The following HEMK2 variants were observed in gnomAD, a reference collection of about 807,000 sequenced individuals.
The protein encoded by HEMK2 is methyltransferase HEMK2.
At chr21:28,673,813 G>C in the HEMK2 span, among the ~76,000 whole-genome samples, 1 of 139,186 alleles carries the variant, frequency 7.2e-6, no homozygotes, top group South Asian at 2.5e-4. Flanking sequence ...TGCATAAAAT[G>C]AATAGTTTCT....
the HEMK2 span, among the ~76,000 whole-genome samples, chr21:28,753,813 T>C: frequency 6.6e-6 from 1 of 152,180 alleles, no homozygotes; most frequent in African/African-American, 2.4e-5. Flanking sequence ...TAGATAGAGA[T>C]TTGGTCCTTT....
chr21:28,803,187 A>C, the HEMK2 span, among the ~76,000 whole-genome samples: 1 of 152,312 alleles, frequency 6.6e-6, no homozygotes, highest in African/African-American at 2.4e-5. Context: ...TCTTGGAAAA[A>C]ATCATTTCCC....
chr21:28,868,640 C>T, the HEMK2 span, among the ~76,000 whole-genome samples: 9 of 152,112 alleles, frequency 5.9e-5, no homozygotes, highest in African/African-American at 1.2e-4. Flanking sequence ...GCCAAGTTCA[C>T]GCCACTGCAC....
chr21:28,635,101 C>CTTTTTTTTTTTTTTTTTTTT, the HEMK2 span, among the ~76,000 whole-genome samples: 3 of 142,902 alleles, frequency 2.1e-5, no homozygotes, highest in Non-Finnish European at 3.0e-5. Context: ...ATGTCCTCAT[C>CTTTTTTTTTTTTTTTTTTTT]TTTTTTTTTT....
chr21:28,810,755 A>G, the HEMK2 span, among the ~76,000 whole-genome samples: 1 of 152,152 alleles, frequency 6.6e-6, no homozygotes, highest in Non-Finnish European at 1.5e-5. Context: ...ATTCTTCCAC[A>G]GTATTCTCAC....
At chr21:28,633,505 C>A in the HEMK2 span, among the ~76,000 whole-genome samples, 1 of 152,158 alleles carries the variant, frequency 6.6e-6, no homozygotes, top group Non-Finnish European at 1.5e-5. Flanking sequence ...AGGAAGCCTA[C>A]CAAATAAATG....
At chr21:28,784,657 T>G in the HEMK2 span, among the ~76,000 whole-genome samples, 1 of 152,328 alleles carries the variant, frequency 6.6e-6, no homozygotes, top group South Asian at 2.1e-4. Flanking sequence ...CAGTGCTCTG[T>G]GTCTAGCTAA....
chr21:28,654,749 G>C, the HEMK2 span, among the ~76,000 whole-genome samples: 5 of 152,168 alleles, frequency 3.3e-5, 1 homozygote, highest in African/African-American at 1.2e-4. Context: ...CCCAATTTTA[G>C]AAAAGTGGTT....
At chr21:28,788,196 ATACGTATATATACGTATATATG>A in the HEMK2 span, among the ~76,000 whole-genome samples, 2 of 149,238 alleles carry the variant, frequency 1.3e-5, no homozygotes, top group Non-Finnish European at 3.0e-5. Flanking sequence ...ATATACGTAT[ATACGTATATATACGTATATATG>A]TATATATACA....
the HEMK2 span, among the ~76,000 whole-genome samples, chr21:28,613,398 A>C: frequency 4.7e-4 from 71 of 152,096 alleles, no homozygotes; most frequent in African/African-American, 1.5e-3. Flanking sequence ...CAGCAGCAAA[A>C]AGCTTAGTCA....
At chr21:28,764,579 T>C in the HEMK2 span, among the ~76,000 whole-genome samples, 1 of 152,146 alleles carries the variant, frequency 6.6e-6, no homozygotes, top group African/African-American at 2.4e-5. Context: ...AAGAAGCATG[T>C]CCCTTTGGCA....
the HEMK2 span, among the ~76,000 whole-genome samples, chr21:28,803,697 G>A: frequency 6.6e-6 from 1 of 151,980 alleles, no homozygotes; most frequent in Non-Finnish European, 1.5e-5. Flanking sequence ...CTCTCCTCCC[G>A]TTTACACCCC....
chr21:28,677,737 A>T, the HEMK2 span, among the ~76,000 whole-genome samples: 3 of 152,184 alleles, frequency 2.0e-5, no homozygotes, highest in African/African-American at 7.2e-5. Flanking sequence ...TTTGCTGTTC[A>T]CCAATATTCG....
the HEMK2 span, chr21:28,878,448 T>G: frequency 2.6e-6 from 3 of 1,173,872 alleles, no homozygotes; most frequent in Non-Finnish European, 3.7e-6. Flanking sequence ...ATTTTACTGC[T>G]GACGAAGGAG....
chr21:28,719,232 TTCTGGC>T, the HEMK2 span, among the ~76,000 whole-genome samples: 1 of 152,202 alleles, frequency 6.6e-6, no homozygotes, highest in East Asian at 1.9e-4. Flanking sequence ...ATTGCTCATT[TTCTGGC>T]TCTGTTTACA....
chr21:28,638,908 G>A, the HEMK2 span, among the ~76,000 whole-genome samples: 2 of 152,150 alleles, frequency 1.3e-5, no homozygotes, highest in Non-Finnish European at 2.9e-5. Flanking sequence ...CTCACAATGT[G>A]GACAACGTCA....
chr21:28,871,312 C>T, the HEMK2 span, among the ~76,000 whole-genome samples: 1 of 152,028 alleles, frequency 6.6e-6, no homozygotes, highest in Non-Finnish European at 1.5e-5. Flanking sequence ...AATCAGGGCA[C>T]AAGGTGAAGA....
chr21:28,744,683 T>C, the HEMK2 span, among the ~76,000 whole-genome samples: 1 of 152,218 alleles, frequency 6.6e-6, no homozygotes, highest in African/African-American at 2.4e-5. Context: ...CTGGGTATTT[T>C]ACATACATTA....
At chr21:28,876,374 C>A in the HEMK2 span, 1 of 1,564,222 alleles carries the variant, frequency 6.4e-7, no homozygotes, top group East Asian at 2.3e-5. Flanking sequence ...GTTCTGGGCA[C>A]ACACTGTATG....
Sources: allele counts gnomAD v4.1 joint callset (sites outside exome capture counted in the v4.1 genomes callset), GRCh38; gene constraint gnomAD v4.1.1; transcripts MANE v1.5; gene names NCBI Gene and HGNC (gene_info 2026-07-23, HGNC 2026-07-21).